Variants in GRID2 observed in about 807,000 individuals in gnomAD.
The protein encoded by GRID2 is glutamate ionotropic receptor delta type subunit 2.
A neutral mutation model predicts 114.8 loss-of-function variants in GRID2; 33 were observed. The ratio of observed to expected loss-of-function variants is 0.29; its 90% CI spans 0.22 to 0.38. GRID2 has a LOEUF of 0.38. GRID2 is among the 10% of genes least tolerant of loss of function. The pLI is 1.00. For synonymous variants in GRID2, 505 were observed against 449.9 expected, an observed-to-expected ratio of 1.12 and a Z score of -1.55; for missense variants, 1,184 against 1,257.7, an observed-to-expected ratio of 0.94 and a Z score of 0.89.
chr4:92,782,776 G>T (rs112064544), intron 2 of GRID2, among the ~76,000 whole-genome samples: 14 of 152,124 alleles, frequency 9.2e-5, no homozygotes, highest in African/African-American at 3.4e-4. Context: ...CTGGAGGGTC[G>T]AAGGTGAGAT....
intron 2 of GRID2, among the ~76,000 whole-genome samples, chr4:93,063,371 T>C (rs999499188): frequency 6.6e-6 from 1 of 151,912 alleles, no homozygotes; most frequent in South Asian, 2.1e-4. Flanking sequence ...GTGCAGAAGA[T>C]ACATACTTTA....
chr4:92,719,441 T>C (rs953884407), intron 2 of GRID2, among the ~76,000 whole-genome samples: 2 of 152,206 alleles, frequency 1.3e-5, no homozygotes, highest in Admixed American at 6.5e-5. Context: ...TACAATGGTT[T>C]AATTAATGAT....
At chr4:92,865,231 C>T (rs534854325) in intron 2 of GRID2, among the ~76,000 whole-genome samples, 10 of 152,298 alleles carry the variant, frequency 6.6e-5, no homozygotes, top group African/African-American at 2.4e-4. Context: ...ATAATATTTA[C>T]ACAGTCACTT....
chr4:93,536,161 T>C (rs567728919), intron 13 of GRID2, among the ~76,000 whole-genome samples: 2 of 152,084 alleles, frequency 1.3e-5, no homozygotes, highest in East Asian at 3.9e-4. Flanking sequence ...ATGAAATCCT[T>C]ATCATGATTC....
At chr4:92,929,501 G>A (rs1435380437) in intron 2 of GRID2, among the ~76,000 whole-genome samples, 1 of 151,272 alleles carries the variant, frequency 6.6e-6, no homozygotes, top group Admixed American at 6.6e-5. Context: ...TAGTAAGTAT[G>A]GATGCATTTT....
At chr4:92,940,939 G>GA (rs745580902) in intron 2 of GRID2, among the ~76,000 whole-genome samples, 1 of 152,152 alleles carries the variant, frequency 6.6e-6, no homozygotes, top group Non-Finnish European at 1.5e-5. Context: ...TGGTGGATAA[G>GA]ATTTTTGATG....
chr4:92,806,167 AC>A lies in GRID2; in HGVS notation c.244+215882del, dbSNP rs1740403800. ...AAATCTATTAGAAAATAGGCTATCG[AC>A]ACACACACACACACACACACACACA... On this transcript the variant is annotated intron_variant, in intron 2 of 15. Transcript: ENST00000282020. 9.5e-5 allele frequency among the ~76,000 whole-genome samples: 3 copies of A among 31,506 alleles called. No homozygotes were observed. In the African/African-American group the frequency reaches 1.1e-3, roughly 11 times the overall value. The allele number at this position is 31,506 out of a possible 152,430, so 20.7% of individuals were successfully genotyped here.
intron 14 of GRID2, among the ~76,000 whole-genome samples, chr4:93,728,895 G>A (rs1270688971): frequency 3.9e-5 from 6 of 152,192 alleles, no homozygotes; most frequent in Non-Finnish European, 7.4e-5. Context: ...CATGTGAGAT[G>A]GGTTTGCTGA....
rs1054141502 is a variant in GRID2, at chr4:93,774,390, G to A, written c.*1892G>A. On this transcript the variant is annotated 3_prime_UTR_variant, in exon 16 of 16. Coordinates refer to ENST00000282020, the MANE Select transcript of GRID2 (RefSeq NM_001510.4). ...CATACCAGATGTTGCAGTGATTTTA[G>A]CTATCAACAAACTGTTAACCATGTA... The A allele has an allele frequency of 1.3e-5, 2 of 152,008 alleles. No individual in the cohort carries two copies. Among genetic ancestry groups the A allele is most frequent in the Admixed American group, 6.6e-5 (1 of 15,256 alleles). The allele number at this position is 152,008 out of a possible 1,614,324, so 9.4% of individuals were successfully genotyped here.
At chr4:92,356,638 A>T (rs927996047) in intron 1 of GRID2, among the ~76,000 whole-genome samples, 5 of 151,770 alleles carry the variant, frequency 3.3e-5, no homozygotes, top group Non-Finnish European at 5.9e-5. Context: ...ATAGATGTTT[A>T]TGCATGTATA....
intron 9 of GRID2, 29 bp downstream of exon 9, chr4:93,395,737 G>T: frequency 1.1e-6 from 1 of 939,758 alleles, no homozygotes; most frequent in South Asian, 1.4e-5. Context: ...TCGTGGTTTT[G>T]ACTTTTGGAG....
chr4:92,522,036 G>A (rs554608664), intron 1 of GRID2, among the ~76,000 whole-genome samples: 1 of 151,962 alleles, frequency 6.6e-6, no homozygotes, highest in East Asian at 2.0e-4. Flanking sequence ...GCTTTTGGGG[G>A]AAATTGAATA....
At chr4:93,338,392 C>CG in intron 8 of GRID2, among the ~76,000 whole-genome samples, 1 of 152,108 alleles carries the variant, frequency 6.6e-6, no homozygotes, top group Non-Finnish European at 1.5e-5. Flanking sequence ...TTTGCCATAG[C>CG]GAAGCATGCA....
chr4:93,510,354 G>A (rs1729043691), intron 12 of GRID2, among the ~76,000 whole-genome samples: 1 of 152,142 alleles, frequency 6.6e-6, no homozygotes, highest in South Asian at 2.1e-4. Context: ...AGAGGTTTAT[G>A]AGAGTTATTT....
At chr4:93,281,559 C>A (rs532922478) in intron 8 of GRID2, among the ~76,000 whole-genome samples, 12 of 151,994 alleles carry the variant, frequency 7.9e-5, no homozygotes, top group Non-Finnish European at 1.5e-4. Flanking sequence ...TAACCTAAGT[C>A]TCTAAACTTT....
intron 4 of GRID2, among the ~76,000 whole-genome samples, chr4:93,152,044 C>T (rs768482489): frequency 2.0e-5 from 3 of 152,008 alleles, no homozygotes; most frequent in South Asian, 2.1e-4. Flanking sequence ...TAGATAAACA[C>T]TAATCTCCAA....
intron 9 of GRID2, among the ~76,000 whole-genome samples, chr4:93,403,789 T>C (rs1766145284): frequency 6.6e-6 from 1 of 152,096 alleles, no homozygotes; most frequent in African/African-American, 2.4e-5. Flanking sequence ...GAATGTAAAA[T>C]GGTACGACTC....
chr4:93,226,465 G>A (rs921897117), intron 7 of GRID2, among the ~76,000 whole-genome samples: 4 of 152,170 alleles, frequency 2.6e-5, no homozygotes, highest in Non-Finnish European at 5.9e-5. Context: ...ATAATATTAA[G>A]TCATAAAGCC....
chr4:93,253,644 A>C (rs2149535579), intron 8 of GRID2, among the ~76,000 whole-genome samples: 1 of 152,248 alleles, frequency 6.6e-6, no homozygotes, highest in South Asian at 2.1e-4. Context: ...CAGACTAAAA[A>C]ACAAACAACA....
Sources: allele counts gnomAD v4.1 joint callset (sites outside exome capture counted in the v4.1 genomes callset), GRCh38; gene constraint gnomAD v4.1.1; transcripts MANE v1.5; gene names NCBI Gene and HGNC (gene_info 2026-07-23, HGNC 2026-07-21).